The following ASRGL1 variants were observed in gnomAD, a reference collection of about 807,000 sequenced individuals.
ASRGL1 encodes the protein isoaspartyl peptidase/L-asparaginase.
Under a neutral mutation model 22.4 loss-of-function variants are expected in ASRGL1, and 16 were observed. The observed-to-expected ratio is 0.71, with a 90% CI of 0.48 to 1.08. The LOEUF (loss-of-function observed/expected upper bound fraction) is 1.08. Ranked by LOEUF, ASRGL1 falls within the 50% of genes least tolerant of loss-of-function variation. The pLI is 0.00. For synonymous variants in ASRGL1, 165 were observed against 159.3 expected (o/e 1.04, Z -0.27); for missense variants, 412 against 410.1 (o/e 1.00, Z -0.04).
At chr11:62,350,167 A>C (rs572488201) in intron 2 of ASRGL1, among the ~76,000 whole-genome samples, 2 of 152,162 alleles carry the variant, frequency 1.3e-5, no homozygotes, top group African/African-American at 2.4e-5. Context: ...CTCTGGTTCA[A>C]ACGTCTCTGA....
At chr11:62,382,339 G>C (rs1947092373) in intron 4 of ASRGL1, 1 of 152,058 alleles carries the variant, frequency 6.6e-6, no homozygotes, top group Non-Finnish European at 1.5e-5. Flanking sequence ...AGGGGGATGT[G>C]GCAGGACAAT....
the ASRGL1 span, among the ~76,000 whole-genome samples, chr11:62,400,879 C>T: frequency 1.3e-5 from 2 of 152,192 alleles, no homozygotes; most frequent in Admixed American, 6.5e-5. Context: ...GAATTAGAGA[C>T]GGCCGCACAA....
intron 4 of ASRGL1, chr11:62,373,015 A>T: frequency 7.3e-7 from 1 of 1,378,958 alleles, no homozygotes; most frequent in Middle Eastern, 2.1e-4. Flanking sequence ...CACAAGCCCA[A>T]GTCTTCCACT....
chr11:62,373,022 C>G, intron 4 of ASRGL1: 1 of 1,369,278 alleles, frequency 7.3e-7, no homozygotes, highest in East Asian at 2.3e-5. Context: ...CCAAGTCTTC[C>G]ACTGCAGCCC....
intron 4 of ASRGL1, among the ~76,000 whole-genome samples, chr11:62,384,973 C>G (rs569325541): frequency 4.1e-5 from 6 of 145,464 alleles, no homozygotes; most frequent in Admixed American, 1.4e-4. Context: ...AGAAAAATAC[C>G]GATTTTTCAA....
intron 2 of ASRGL1, among the ~76,000 whole-genome samples, chr11:62,349,605 A>G (rs1590710397): frequency 6.6e-6 from 1 of 152,244 alleles, no homozygotes; most frequent in East Asian, 1.9e-4. Flanking sequence ...TCTTATTACT[A>G]TTATTTTGAG....
At chr11:62,389,887 T>C (rs1947300628) in intron 5 of ASRGL1, 1 of 158,450 alleles carries the variant, frequency 6.3e-6, no homozygotes, top group Admixed American at 6.2e-5. Context: ...TTGTTCCATC[T>C]GCCCTAAAGA....
chr11:62,365,539 G>A (rs1946590726), intron 4 of ASRGL1, among the ~76,000 whole-genome samples: 1 of 151,930 alleles, frequency 6.6e-6, no homozygotes, highest in Non-Finnish European at 1.5e-5. Flanking sequence ...GGGCAACAGT[G>A]CAAGACTCCG....
At chr11:62,396,961 A>T (rs868516964), downstream of ASRGL1, among the ~76,000 whole-genome samples, 1 of 152,192 alleles carries the variant, frequency 6.6e-6, no homozygotes, top group Non-Finnish European at 1.5e-5. Flanking sequence ...CTCAGCAGCC[A>T]CCGGCCTCAT....
At chr11:62,380,052 A>G (rs371879196) in intron 4 of ASRGL1, among the ~76,000 whole-genome samples, 4 of 152,108 alleles carry the variant, frequency 2.6e-5, no homozygotes, top group East Asian at 1.9e-4. Flanking sequence ...TAGATGACCA[A>G]TTTGACCACA....
At chr11:62,371,127 C>T (rs1012376059) in intron 4 of ASRGL1, 1 of 978,492 alleles carries the variant, frequency 1.0e-6, no homozygotes, top group East Asian at 3.3e-5. Context: ...TCCAACCAGC[C>T]GCAACCATGC....
At chr11:62,357,314 A>C in intron 4 of ASRGL1, 170 bp downstream of exon 4, 1 of 745,686 alleles carries the variant, frequency 1.3e-6, no homozygotes, top group Non-Finnish European at 2.0e-6. Flanking sequence ...CAGTGGTGCG[A>C]TCTCGGCTCA....
chr11:62,367,814 C>T (rs754704471), intron 4 of ASRGL1, among the ~76,000 whole-genome samples: 5 of 145,024 alleles, frequency 3.4e-5, no homozygotes, highest in Admixed American at 6.9e-5. Context: ...TGGTGGCACA[C>T]GCCTTTAGTC....
chr11:62,356,915 C>T, intron 3 of ASRGL1, 72 bp from the exon 4 acceptor site: 1 of 1,476,892 alleles, frequency 6.8e-7, no homozygotes, highest in South Asian at 1.4e-5. Flanking sequence ...ATTATTTCAA[C>T]ACAGTTGGAA....
intron 2 of ASRGL1, among the ~76,000 whole-genome samples, chr11:62,352,423 TAA>T (rs1399391198): frequency 6.6e-6 from 1 of 152,056 alleles, no homozygotes; most frequent in Non-Finnish European, 1.5e-5. Context: ...CTGTCTCTAC[TAA>T]AAATATAAAA....
intron 2 of ASRGL1, among the ~76,000 whole-genome samples, chr11:62,339,671 G>A (rs1945817729): frequency 6.6e-6 from 1 of 152,144 alleles, no homozygotes. Context: ...ATTCACTTAT[G>A]AGTTAATCAC....
At chr11:62,400,067 G>T in the ASRGL1 span, among the ~76,000 whole-genome samples, 7 of 152,274 alleles carry the variant, frequency 4.6e-5, 1 homozygote, top group South Asian at 8.3e-4. Context: ...GGGGGCTCCA[G>T]GGATTCCTCC....
At chr11:62,397,310 G>A (rs190766702), downstream of ASRGL1, among the ~76,000 whole-genome samples, 522 of 152,100 alleles carry the variant, frequency 3.4e-3, 2 homozygotes, top group African/African-American at 0.012. Context: ...TTACAGGCGT[G>A]AGCCACCGTG....
intron 2 of ASRGL1, among the ~76,000 whole-genome samples, chr11:62,352,020 A>C (rs1174641188): frequency 6.6e-6 from 1 of 152,170 alleles, no homozygotes; most frequent in Non-Finnish European, 1.5e-5. Flanking sequence ...CTGGCAACAA[A>C]TTGTTTCCAT....
Sources: allele counts gnomAD v4.1 joint callset (sites outside exome capture counted in the v4.1 genomes callset), GRCh38; gene constraint gnomAD v4.1.1; transcripts MANE v1.5; gene names NCBI Gene and HGNC (gene_info 2026-07-23, HGNC 2026-07-21).